Variants in NEK1 observed in about 807,000 individuals in gnomAD.
The protein encoded by NEK1 is NIMA related kinase 1, also known as serine/threonine-protein kinase Nek1.
A neutral mutation model predicts 182.1 loss-of-function variants in NEK1; 137 were observed. The observed-to-expected ratio is 0.75, with a 90% confidence interval of 0.65 to 0.87. NEK1 has a LOEUF of 0.87. Among genes scored for constraint, NEK1 ranks in the 40% least tolerant of loss-of-function variants. The probability of loss-of-function intolerance (pLI) is 0.00; values close to 1 mark genes in which losing one functional copy is unlikely to be tolerated. For synonymous variants in NEK1, 513 were observed against 492.2 expected, an observed-to-expected ratio of 1.04 and a Z score of -0.56; for missense variants, 1,391 against 1,494.4, an observed-to-expected ratio of 0.93 and a Z score of 1.14.
chr4:169,592,163 T>C (rs1341903059), intron 5 of NEK1, among the ~76,000 whole-genome samples: 1 of 152,192 alleles, frequency 6.6e-6, no homozygotes, highest in African/African-American at 2.4e-5. Flanking sequence ...ATTATAATCA[T>C]TTGTCAAAAT....
intron 9 of NEK1, 95 bp downstream of exon 9, chr4:169,587,464 G>A: frequency 1.5e-6 from 1 of 687,424 alleles, no homozygotes; most frequent in Non-Finnish European, 2.3e-6. Flanking sequence ...CTAGGATGAG[G>A]GTTACCTGAA....
chr4:169,536,882 C>T (rs1758591943), intron 19 of NEK1, among the ~76,000 whole-genome samples: 1 of 152,036 alleles, frequency 6.6e-6, no homozygotes, highest in South Asian at 2.1e-4. Flanking sequence ...TAGATTAATT[C>T]CGGATGTAGA....
chr4:169,425,339 T>A (rs539923686), intron 30 of NEK1, among the ~76,000 whole-genome samples: 26 of 152,166 alleles, frequency 1.7e-4, no homozygotes, highest in African/African-American at 6.3e-4. Context: ...TGAGGGTTGT[T>A]TGAGCCCAGG....
chr4:169,486,954 T>C (rs1749141872), intron 23 of NEK1, among the ~76,000 whole-genome samples: 1 of 152,174 alleles, frequency 6.6e-6, no homozygotes, highest in Admixed American at 6.5e-5. Context: ...ACATACTTCA[T>C]TCACAATATA....
At chr4:169,449,427 A>G (rs1379098106) in intron 27 of NEK1, among the ~76,000 whole-genome samples, 1 of 152,090 alleles carries the variant, frequency 6.6e-6, no homozygotes, top group Non-Finnish European at 1.5e-5. Flanking sequence ...CACCTCATAT[A>G]GGTGGCTGCC....
At position 169,508,288 on chromosome 4, in the gene NEK1, T is replaced by C. The variant is rs61735896; in HGVS notation, c.1793A>G (p.Asn598Ser). ...RLRQIRLQNFNERQQIKAKLR... is the reference protein window; with the variant it reads ...RLRQIRLQNFSERQQIKAKLR... ...TTTGGCTTTAATCTGTTGGCGCTCA[T>C]TGAAATTCTGTAGTCTTATTTGCCT... The change falls in exon 21 of 36, where the codon AAT (asparagine) becomes AGT (serine). Residue 598 changes from asparagine to serine, a missense_variant. Asn to Ser is a conservative substitution (Grantham distance 46, BLOSUM62 1). This residue lies in a region of NEK1 where 1,216 missense variants were observed against 1,277.6 expected (regional missense o/e 0.95). Coordinates refer to ENST00000507142, the MANE Select transcript of NEK1 (RefSeq NM_001199397.3). 35 of 1,594,726 alleles carry C rather than the reference T, an allele frequency of 2.2e-5. No homozygotes were observed. Among genetic ancestry groups the C allele is most frequent in the Non-Finnish European group, 2.6e-5 (31 of 1,171,042 alleles).
intron 20 of NEK1, 96 bp downstream of exon 20, chr4:169,508,673 C>A: frequency 1.0e-6 from 1 of 963,434 alleles, no homozygotes; most frequent in Non-Finnish European, 1.5e-6. Context: ...ACAAAATCTT[C>A]AAATAATTGT....
chr4:169,569,168 A>G (rs1263639962), intron 12 of NEK1, among the ~76,000 whole-genome samples: 1 of 152,212 alleles, frequency 6.6e-6, no homozygotes, highest in Non-Finnish European at 1.5e-5. Context: ...AATAACTTTA[A>G]TAAAGTCTCT....
intron 27 of NEK1, among the ~76,000 whole-genome samples, chr4:169,455,489 T>C (rs1019245102): frequency 5.9e-5 from 9 of 152,074 alleles, no homozygotes; most frequent in African/African-American, 2.4e-5. Flanking sequence ...ACAAAATAGA[T>C]TTCAAGACAA....
At chr4:169,559,393 G>C (rs189308461) in intron 16 of NEK1, among the ~76,000 whole-genome samples, 177 of 152,026 alleles carry the variant, frequency 1.2e-3, no homozygotes, top group African/African-American at 3.6e-3. Context: ...TCATTCAGGA[G>C]GTAATAAGTT....
chr4:169,602,676 AAACT>A lies in NEK1; in HGVS notation c.-48-2_-47del. On this transcript the variant is annotated splice_acceptor_variant and 5_prime_UTR_variant, in exon 3 of 36. Transcript: ENST00000507142. LOFTEE classifies it low-confidence loss of function (5UTR_SPLICE). Reference sequence around the variant, plus strand: ...TTTACAGATATGCTAGACATTTAAAAAACTAACAAAAAAGATAAAGCATTTATAA... The same window carrying A: ...TTTACAGATATGCTAGACATTTAAAAAACAAAAAAGATAAAGCATTTATAA... The A allele has an allele frequency of 1.0e-6, 1 of 975,420 alleles. No homozygotes were observed. Among genetic ancestry groups the A allele is most frequent in the Non-Finnish European group, 1.6e-6 (1 of 618,930 alleles). 60.4% of individuals were successfully genotyped at this position (975,420 alleles called of 1,614,324 possible). A position where few individuals can be genotyped will look rare whatever the true frequency, so the allele number is the denominator to read the frequency against.
At chr4:169,546,507 C>G (rs1158405939) in intron 18 of NEK1, among the ~76,000 whole-genome samples, 4 of 152,040 alleles carry the variant, frequency 2.6e-5, no homozygotes, top group Non-Finnish European at 5.9e-5. Context: ...TCCGCTCAGT[C>G]CAGAGCTGAG....
At chr4:169,573,412 G>C (rs1293790150) in intron 12 of NEK1, among the ~76,000 whole-genome samples, 1 of 152,150 alleles carries the variant, frequency 6.6e-6, no homozygotes, top group Non-Finnish European at 1.5e-5. Flanking sequence ...TGATATTGTT[G>C]GTTACATATT....
At chr4:169,578,530 A>T (rs1257062363) in intron 11 of NEK1, among the ~76,000 whole-genome samples, 2 of 152,232 alleles carry the variant, frequency 1.3e-5, no homozygotes, top group African/African-American at 4.8e-5. Flanking sequence ...CTTCAAAAAA[A>T]TGTAATTGTA....
chr4:169,555,553 G>T, intron 18 of NEK1, 167 bp downstream of exon 18: 1 of 758,638 alleles, frequency 1.3e-6, no homozygotes, highest in Non-Finnish European at 2.2e-6. Flanking sequence ...TGCTTTCAGA[G>T]TAATCAAGGG....
chr4:169,508,436 C>A, intron 20 of NEK1, 105 bp from the exon 21 acceptor site: 1 of 874,980 alleles, frequency 1.1e-6, no homozygotes, highest in South Asian at 2.2e-5. Flanking sequence ...AATTTGAACA[C>A]AAGAAATAAA....
chr4:169,525,711 T>C (rs1402212970), intron 19 of NEK1, among the ~76,000 whole-genome samples: 1 of 152,212 alleles, frequency 6.6e-6, no homozygotes, highest in African/African-American at 2.4e-5. Flanking sequence ...TTAAAATATT[T>C]ACTCTCTGGC....
At chr4:169,564,046 G>C (rs1209530855) in intron 12 of NEK1, among the ~76,000 whole-genome samples, 1 of 151,626 alleles carries the variant, frequency 6.6e-6, no homozygotes, top group Non-Finnish European at 1.5e-5. Flanking sequence ...CTACAGTTTT[G>C]TTTTACCCTG....
Position 169,426,139 on chromosome 4 carries a change from T to C in NEK1, c.2974+7A>G. 1.9e-6 allele frequency: 3 copies of C among 1,605,620 alleles called. No individual in the cohort carries two copies. Among genetic ancestry groups the C allele is most frequent in the East Asian group, 2.2e-5 (1 of 44,806 alleles). The stretch of plus-strand genomic sequence containing the variant: ...GAAAGTAATTAGACTAATGCAATGA[T>C]GCTTACCTATATGAATGTCACTAAG... On this transcript the variant is annotated splice_region_variant and intron_variant, in intron 30 of 35. Transcript: ENST00000507142.
Sources: allele counts gnomAD v4.1 joint callset (sites outside exome capture counted in the v4.1 genomes callset), GRCh38; gene constraint gnomAD v4.1.1; regional missense constraint gnomAD v4.1.1; transcripts MANE v1.5; gene names NCBI Gene and HGNC (gene_info 2026-07-23, HGNC 2026-07-21).